SOX5: variants seen among roughly 807,000 people sequenced by gnomAD.
SOX5 encodes the protein transcription factor SOX-5.
In SOX5, 9 loss-of-function variants were observed where a neutral mutation model predicts 92.0. That is an observed-to-expected ratio of 0.10 (90% confidence interval 0.06 to 0.17). SOX5 has a LOEUF of 0.17. SOX5 is among the 10% of genes least tolerant of loss of function. SOX5 has a pLI of 1.00. For missense variants in SOX5, 642 were observed against 944.5 expected (o/e 0.68, Z 4.20); for synonymous variants, 344 against 336.3 (o/e 1.02, Z -0.25).
chr12:24,196,109 T>G (rs1242862705), intron 4 of SOX5, among the ~76,000 whole-genome samples: 1 of 152,244 alleles, frequency 6.6e-6, no homozygotes, highest in Non-Finnish European at 1.5e-5. Flanking sequence ...GGTCTTGAGT[T>G]TCTGGCCTCA....
At chr12:23,641,878 A>G (rs1456247478) in intron 7 of SOX5, among the ~76,000 whole-genome samples, 2 of 152,234 alleles carry the variant, frequency 1.3e-5, no homozygotes, top group African/African-American at 4.8e-5. Context: ...CGCATGAAAA[A>G]TATAACTTAA....
At chr12:23,980,173 T>TTTTG (rs772691526) in intron 4 of SOX5, among the ~76,000 whole-genome samples, 6 of 152,082 alleles carry the variant, frequency 3.9e-5, no homozygotes, top group South Asian at 4.1e-4. Context: ...ATGATTCTTT[T>TTTTG]TTTGTTTGTT....
chr12:24,054,303 T>G (rs1196127360), intron 4 of SOX5, among the ~76,000 whole-genome samples: 1 of 152,218 alleles, frequency 6.6e-6, no homozygotes, highest in Non-Finnish European at 1.5e-5. Context: ...CCAAAGAACC[T>G]ACATCTTCCT....
intron 4 of SOX5, among the ~76,000 whole-genome samples, chr12:23,975,917 G>A (rs1948839489): frequency 6.6e-6 from 1 of 152,056 alleles, no homozygotes; most frequent in South Asian, 2.1e-4. Context: ...ATTCTGATGT[G>A]TAAATTATAA....
intron 4 of SOX5, among the ~76,000 whole-genome samples, chr12:24,100,807 C>T (rs1226862440): frequency 1.3e-5 from 2 of 152,134 alleles, no homozygotes; most frequent in African/African-American, 4.8e-5. Flanking sequence ...CCCAACTTCA[C>T]TAAATGTCAT....
At chr12:24,273,136 G>T (rs1943981278) in intron 3 of SOX5, among the ~76,000 whole-genome samples, 2 of 152,286 alleles carry the variant, frequency 1.3e-5, no homozygotes, top group East Asian at 3.9e-4. Context: ...ACATGTGCCT[G>T]TAATACCAGC....
chr12:23,682,716 A>G (rs2086820075), intron 6 of SOX5, among the ~76,000 whole-genome samples: 2 of 151,872 alleles, frequency 1.3e-5, no homozygotes, highest in African/African-American at 4.8e-5. Context: ...TTCTTCATTG[A>G]AATAACAAAG....
chr12:24,128,469 T>C (rs1233709265), intron 4 of SOX5, among the ~76,000 whole-genome samples: 4 of 152,130 alleles, frequency 2.6e-5, no homozygotes, highest in Admixed American at 6.5e-5. Context: ...ATGCTAGCAG[T>C]AAAGAGTGAG....
At chr12:23,908,675 G>T (rs1568876264) in intron 1 of SOX5, among the ~76,000 whole-genome samples, 1 of 151,478 alleles carries the variant, frequency 6.6e-6, no homozygotes, top group Non-Finnish European at 1.5e-5. Context: ...CAAAAATAAA[G>T]AATATGCCAT....
intron 3 of SOX5, among the ~76,000 whole-genome samples, chr12:24,273,798 T>A (rs1226483809): frequency 6.6e-6 from 1 of 152,222 alleles, no homozygotes; most frequent in Non-Finnish European, 1.5e-5. Flanking sequence ...CCTTTGCTTT[T>A]ATAATATGTT....
At chr12:24,508,985 T>G (rs1352747552) in intron 1 of SOX5, among the ~76,000 whole-genome samples, 2 of 152,174 alleles carry the variant, frequency 1.3e-5, no homozygotes, top group African/African-American at 4.8e-5. Flanking sequence ...AAATTGCCCA[T>G]TCATTGGCCA....
At chr12:24,244,839 GCACCAC>G (rs1938300742) in intron 3 of SOX5, among the ~76,000 whole-genome samples, 1 of 152,126 alleles carries the variant, frequency 6.6e-6, no homozygotes, top group Non-Finnish European at 1.5e-5. Flanking sequence ...TTACAGGCAT[GCACCAC>G]CACACCTGGC....
intron 1 of SOX5, among the ~76,000 whole-genome samples, chr12:24,430,989 A>G (rs950555893): frequency 6.6e-6 from 1 of 152,216 alleles, no homozygotes; most frequent in Non-Finnish European, 1.5e-5. Context: ...AATGTAACCA[A>G]AATTCAGCTT....
rs1274764902 is a variant in SOX5 at position 24,252,031 on chromosome 12, CT to C, written c.-77+25184del. On this transcript the variant is annotated intron_variant, in intron 3 of 4. Coordinates refer to the SOX5 transcript ENST00000446891. ...CAGCTTAAGTTTAATATTTTTCATT[CT>C]GCAAATCTTAATCATTTTTGCTTTT... Among the ~76,000 whole-genome samples the C allele has an allele frequency of 2.0e-5, 3 of 151,652 alleles. No homozygotes were observed. The East Asian group carries it at 5.8e-4, about 29-fold the overall frequency.
chr12:23,996,624 C>T (rs1323109871), intron 4 of SOX5, among the ~76,000 whole-genome samples: 2 of 152,064 alleles, frequency 1.3e-5, no homozygotes, highest in Non-Finnish European at 2.9e-5. Flanking sequence ...TATTACTTTG[C>T]CATGAAAAGA....
chr12:24,116,188 T>G (rs1306710692), intron 4 of SOX5, among the ~76,000 whole-genome samples: 1 of 152,184 alleles, frequency 6.6e-6, no homozygotes, highest in Non-Finnish European at 1.5e-5. Context: ...GTCAAAGAAC[T>G]GTGTGTATAA....
intron 4 of SOX5, among the ~76,000 whole-genome samples, chr12:24,155,861 C>A (rs1952112052): frequency 1.3e-5 from 2 of 152,108 alleles, no homozygotes; most frequent in East Asian, 3.9e-4. Flanking sequence ...TCTAGAGCAT[C>A]AGGTCCTTGA....
At chr12:23,666,487 G>C (rs372150557) in intron 6 of SOX5, among the ~76,000 whole-genome samples, 16 of 152,232 alleles carry the variant, frequency 1.1e-4, no homozygotes, top group African/African-American at 3.6e-4. Flanking sequence ...CTAGAGATTT[G>C]TCACTAACTA....
At chr12:23,843,735 T>C (rs935463526) in intron 3 of SOX5, among the ~76,000 whole-genome samples, 3 of 152,002 alleles carry the variant, frequency 2.0e-5, no homozygotes, top group East Asian at 1.9e-4. Flanking sequence ...GCCTAATTTT[T>C]GTATTTTTAG....
Sources: gnomAD v4.1 joint callset for allele counts (sites outside exome capture counted in the v4.1 genomes callset) on GRCh38, gnomAD v4.1.1 for gene constraint, MANE v1.5 for transcripts, NCBI Gene and HGNC (gene_info 2026-07-23, HGNC 2026-07-21) for gene names.